PACRG: variants seen among roughly 807,000 people sequenced by gnomAD.
PACRG encodes parkin coregulated gene protein.
Under a neutral mutation model 29.7 loss-of-function variants are expected in PACRG, and 29 were observed. The ratio of observed to expected loss-of-function variants is 0.98; its 90% CI spans 0.73 to 1.33. The LOEUF is 1.33. Ranked by LOEUF, PACRG falls within the 40% of genes most tolerant of loss-of-function variation. The probability of loss-of-function intolerance (pLI) is 0.00; values close to 1 mark genes in which losing one functional copy is unlikely to be tolerated. For missense variants in PACRG, 279 were observed against 316.2 expected (o/e 0.88, Z 0.89); for synonymous variants, 116 against 118.7 (o/e 0.98, Z 0.15).
At chr6:163,072,967 G>T (rs1329002412) in intron 3 of PACRG, among the ~76,000 whole-genome samples, 1 of 152,016 alleles carries the variant, frequency 6.6e-6, no homozygotes. Context: ...ACCAAAAAAT[G>T]GAAAGATATT....
chr6:163,135,201 T>TA (rs200016122), intron 4 of PACRG, among the ~76,000 whole-genome samples: 2 of 145,656 alleles, frequency 1.4e-5, no homozygotes, highest in Admixed American at 1.4e-4. Flanking sequence ...TTTTTTTTTT[T>TA]AATTTTAGAC....
intron 2 of PACRG, among the ~76,000 whole-genome samples, chr6:162,941,729 A>G (rs1335882622): frequency 6.6e-6 from 1 of 152,206 alleles, no homozygotes; most frequent in Non-Finnish European, 1.5e-5. Flanking sequence ...ATTGTACCCC[A>G]TAAATACATA....
intron 4 of PACRG, among the ~76,000 whole-genome samples, chr6:163,234,792 A>G (rs939713451): frequency 3.9e-5 from 6 of 152,232 alleles, no homozygotes; most frequent in African/African-American, 1.4e-4. Flanking sequence ...TGAACTGAGC[A>G]ACAATGCTGT....
chr6:163,006,110 TAG>T (rs1805073312), intron 2 of PACRG, among the ~76,000 whole-genome samples: 1 of 141,962 alleles, frequency 7.0e-6, no homozygotes, highest in Non-Finnish European at 1.5e-5. Context: ...ATATAATATA[TAG>T]AAACAAAACC....
At chr6:163,001,245 G>T (rs995447952) in intron 2 of PACRG, among the ~76,000 whole-genome samples, 1 of 152,240 alleles carries the variant, frequency 6.6e-6, no homozygotes, top group African/African-American at 2.4e-5. Context: ...AGGAGGAAAT[G>T]GGTCTCCAGG....
chr6:162,739,101 A>G (rs1780379613), intron 1 of PACRG, among the ~76,000 whole-genome samples: 1 of 152,194 alleles, frequency 6.6e-6, no homozygotes. Context: ...GTATATAAAT[A>G]TTTATATTGT....
chr6:162,996,453 A>G (rs1165850131), intron 2 of PACRG, among the ~76,000 whole-genome samples: 1 of 152,150 alleles, frequency 6.6e-6, no homozygotes, highest in Non-Finnish European at 1.5e-5. Flanking sequence ...GATCCAAAAT[A>G]GACCCCCCCA....
chr6:163,223,317 G>A (rs1482001608), intron 4 of PACRG, among the ~76,000 whole-genome samples: 4 of 152,178 alleles, frequency 2.6e-5, no homozygotes, highest in East Asian at 1.9e-4. Flanking sequence ...TCCCTTGAAC[G>A]TGGGAGGCAG....
intron 3 of PACRG, among the ~76,000 whole-genome samples, chr6:163,065,682 G>A (rs1025313309): frequency 6.6e-6 from 1 of 152,186 alleles, no homozygotes; most frequent in Non-Finnish European, 1.5e-5. Flanking sequence ...AAACTTGTTT[G>A]ACATCCTCAG....
chr6:162,941,605 C>G (rs1798636680), intron 2 of PACRG, among the ~76,000 whole-genome samples: 1 of 152,166 alleles, frequency 6.6e-6, no homozygotes, highest in African/African-American at 2.4e-5. Flanking sequence ...TTGGTTTTGC[C>G]TGCTATGCCT....
intron 2 of PACRG, among the ~76,000 whole-genome samples, chr6:162,914,507 TG>T (rs1311852720): frequency 0.13 from 10,376 of 80,098 alleles, 817 homozygotes; most frequent in Non-Finnish European, 0.18. Context: ...TGTACTTTTT[TG>T]TTTTTTTTTT....
intron 3 of PACRG, among the ~76,000 whole-genome samples, chr6:163,086,009 T>C (rs1008007863): frequency 6.6e-6 from 1 of 152,240 alleles, no homozygotes; most frequent in Non-Finnish European, 1.5e-5. Flanking sequence ...GTTTAATTCC[T>C]GGCACATGGC....
chr6:163,190,417 A>G (rs2128360520), intron 4 of PACRG: 1 of 152,354 alleles, frequency 6.6e-6, no homozygotes, highest in Admixed American at 6.5e-5. Flanking sequence ...CGCACAATCT[A>G]GTTAGTGCAG....
chr6:163,232,381 A>G (rs1018755991), intron 4 of PACRG, among the ~76,000 whole-genome samples: 1 of 152,202 alleles, frequency 6.6e-6, no homozygotes, highest in African/African-American at 2.4e-5. Flanking sequence ...TCTTAGCTCC[A>G]GCCTGCGTGT....
At position 162,853,291 on chromosome 6, in the gene PACRG, T is replaced by C. The variant is rs1430913853; in HGVS notation, c.291+39010T>C. On this transcript the variant is annotated intron_variant, in intron 2 of 4. Coordinates refer to ENST00000366888, the MANE Select transcript of PACRG (RefSeq NM_001080379.2). The surrounding 1 kb of genome is among the most constrained non-coding windows in gnomAD (Gnocchi z 4.7). ...GTGTACCCAGTATAAAAATCTCTGC[T>C]CCAGAATGGCTTGATCTCCTTGGAG... 6.6e-6 allele frequency among the ~76,000 whole-genome samples: 1 copy of C among 152,192 alleles called. No individual in the cohort carries two copies. Among genetic ancestry groups the C allele is most frequent in the Non-Finnish European group, 1.5e-5 (1 of 68,034 alleles).
intron 2 of PACRG, among the ~76,000 whole-genome samples, chr6:163,059,346 A>G (rs1170843078): frequency 6.6e-6 from 1 of 152,194 alleles, no homozygotes; most frequent in Non-Finnish European, 1.5e-5. Context: ...GTTTGAAGGC[A>G]CATTATAAAA....
rs540455357 is a variant in PACRG at position 162,821,943 on chromosome 6, T to G, written c.291+7662T>G. On this transcript the variant is annotated intron_variant, in intron 2 of 4. Coordinates refer to ENST00000366888, the MANE Select transcript of PACRG (RefSeq NM_001080379.2). The stretch of plus-strand genomic sequence containing the variant: ...CAAGAAAATCATTCTTTGTTTGATG[T>G]TTTCCTTTGAGTAGTCAAAGTATCA... 5.3e-5 allele frequency among the ~76,000 whole-genome samples: 8 copies of G among 152,344 alleles called. No homozygotes were observed. The East Asian group carries it at 1.3e-3, about 26-fold the overall frequency.
chr6:163,017,696 GGACA>G (rs985339498), intron 2 of PACRG, among the ~76,000 whole-genome samples: 2 of 152,122 alleles, frequency 1.3e-5, no homozygotes, highest in East Asian at 3.9e-4. Context: ...ACAGACAGAC[GGACA>G]GAGATGGACA....
At chr6:162,981,305 A>ATATATATATATATATATATATT (rs925663285) in intron 2 of PACRG, among the ~76,000 whole-genome samples, 71 of 149,146 alleles carry the variant, frequency 4.8e-4, no homozygotes, top group East Asian at 1.6e-3. Flanking sequence ...ATATATATAT[A>ATATATATATATATATATATATT]TTTACAATGG....
Sources: gnomAD v4.1 joint callset for allele counts (sites outside exome capture counted in the v4.1 genomes callset) on GRCh38, gnomAD v4.1.1 for gene constraint, Gnocchi (gnomAD v3.1) non-coding constraint, MANE v1.5 for transcripts, NCBI Gene and HGNC (gene_info 2026-07-23, HGNC 2026-07-21) for gene names.